The following PAMR1 variants were observed in gnomAD, a reference collection of about 807,000 sequenced individuals.
PAMR1 encodes the protein inactive serine protease PAMR1.
Under a neutral mutation model 81.8 loss-of-function variants are expected in PAMR1, and 88 were observed. The observed-to-expected ratio is 1.08, with a 90% CI of 0.91 to 1.28. The LOEUF is 1.28. Among genes scored for constraint, PAMR1 ranks in the 50% most tolerant of loss-of-function variants. The probability of loss-of-function intolerance (pLI) is 0.00; values close to 1 mark genes in which losing one functional copy is unlikely to be tolerated. For synonymous variants in PAMR1, 336 were observed against 345.3 expected (o/e 0.97, Z 0.30); for missense variants, 935 against 919.7 (o/e 1.02, Z -0.21).
chr11:35,494,325 CTCTT>C, intron 1 of PAMR1, 53 bp from the exon 2 acceptor site: 1 of 1,468,554 alleles, frequency 6.8e-7, no homozygotes, highest in Non-Finnish European at 9.5e-7. Flanking sequence ...AGTGGTAAGA[CTCTT>C]TGTTTGTTTG....
chr11:35,498,455 T>C lies in PAMR1; in HGVS notation c.74-4183A>G, dbSNP rs528293694. 4.6e-5 allele frequency among the ~76,000 whole-genome samples: 7 copies of C among 152,156 alleles called. No individual in the cohort carries two copies. In the South Asian group the frequency reaches 1.5e-3, roughly 32 times the overall value. ...AAAATACTAGACAAAATAATGCATATAAACAGCTTAGCACAGCACCCAGTA... is the reference window on the plus strand; with the variant it reads ...AAAATACTAGACAAAATAATGCATACAAACAGCTTAGCACAGCACCCAGTA... On this transcript the variant is annotated intron_variant, in intron 1 of 10. Coordinates refer to ENST00000619888, the MANE Select transcript of PAMR1 (RefSeq NM_001001991.3).
At chr11:35,518,440 T>G (rs16927595) in intron 1 of PAMR1, among the ~76,000 whole-genome samples, 20,526 of 151,536 alleles carry the variant, frequency 0.14, 1,551 homozygotes, top group East Asian at 0.34. Flanking sequence ...CCCTTTCCTC[T>G]TTAATGGTGA....
chr11:35,479,297 G>C (rs764622602), intron 3 of PAMR1, among the ~76,000 whole-genome samples: 2 of 152,028 alleles, frequency 1.3e-5, no homozygotes, highest in African/African-American at 4.8e-5. Context: ...ATCTTAGTTC[G>C]GCCACTTACT....
intron 6 of PAMR1, chr11:35,451,913 G>A: frequency 1.4e-6 from 1 of 701,722 alleles, no homozygotes; most frequent in Non-Finnish European, 2.6e-6. Flanking sequence ...CTGACGCCTT[G>A]ATCTTGGACT....
intron 6 of PAMR1, among the ~76,000 whole-genome samples, chr11:35,460,480 C>T (rs537350256): frequency 3.1e-4 from 47 of 152,252 alleles, no homozygotes; most frequent in African/African-American, 1.1e-3. Context: ...CCCTACTCCC[C>T]CCACCCCACA....
intron 8 of PAMR1, 33 bp downstream of exon 8, chr11:35,439,594 C>T: frequency 1.3e-6 from 2 of 1,558,530 alleles, no homozygotes; most frequent in East Asian, 2.2e-5. Context: ...ACTCATTAGC[C>T]TTCAGGGCAG....
chr11:35,469,973 G>T (rs1856821456), intron 5 of PAMR1, among the ~76,000 whole-genome samples: 1 of 152,110 alleles, frequency 6.6e-6, no homozygotes, highest in Non-Finnish European at 1.5e-5. Context: ...CAGGCTTAAA[G>T]TTACTCATCA....
Position 35,524,955 on chromosome 11 carries a change from GGAAGTGT to G in PAMR1, c.73+551_73+557del, listed in dbSNP as rs1234756060. Among the ~76,000 whole-genome samples, 3 of 152,218 alleles carry G rather than the reference GGAAGTGT, an allele frequency of 2.0e-5. No individual in the cohort carries two copies. The East Asian group carries it at 5.8e-4, about 29-fold the overall frequency. ...TCTTCTTTCTCACTCTCATCAGAAA[GGAAGTGT>G]GTCTATATATGCTGAGTGAGTCAAT... On this transcript the variant is annotated intron_variant, in intron 1 of 10. Transcript: ENST00000619888.
intron 6 of PAMR1, among the ~76,000 whole-genome samples, chr11:35,466,261 C>A (rs1856754404): frequency 6.6e-6 from 1 of 152,134 alleles, no homozygotes. Context: ...ACATGGCAGG[C>A]TCAAATGAGG....
chr11:35,476,560 G>A (rs1293509040), intron 3 of PAMR1, among the ~76,000 whole-genome samples: 4 of 152,064 alleles, frequency 2.6e-5, no homozygotes, highest in Non-Finnish European at 4.4e-5. Flanking sequence ...CCAGCCACAC[G>A]GAGCTGTGAG....
intron 1 of PAMR1, among the ~76,000 whole-genome samples, chr11:35,517,719 C>T (rs1851192131): frequency 6.6e-6 from 1 of 152,206 alleles, no homozygotes; most frequent in Admixed American, 6.5e-5. Context: ...TCCTGAAACC[C>T]ATTTTGGGAA....
intron 1 of PAMR1, among the ~76,000 whole-genome samples, chr11:35,499,025 C>T (rs1394794428): frequency 5.3e-5 from 8 of 152,232 alleles, no homozygotes; most frequent in Admixed American, 4.6e-4. Flanking sequence ...CAAACCTGTT[C>T]ACCACTGCCA....
chr11:35,508,516 A>ATTTTTTTTTTTT (rs59836040), intron 1 of PAMR1, among the ~76,000 whole-genome samples: 3 of 98,052 alleles, frequency 3.1e-5, no homozygotes, highest in African/African-American at 1.2e-4. Context: ...AGGAACCTCC[A>ATTTTTTTTTTTT]TTTTTTTTTT....
At position 35,463,581 on chromosome 11, in the gene PAMR1, G is replaced by C. The variant is rs11033134; in HGVS notation, c.820+4420C>G. On this transcript the variant is annotated intron_variant, in intron 6 of 10. Transcript: ENST00000619888. ...ACAAAGAAACAGGAAACTTCAGAGG[G>C]AAGAAGGGGCCCCAGTTTCCTACAC... Among the ~76,000 whole-genome samples the C allele has an allele frequency of 2.0e-5, 3 of 152,330 alleles. No individual in the cohort carries two copies. The East Asian group carries it at 5.8e-4, about 29-fold the overall frequency.
intron 3 of PAMR1, among the ~76,000 whole-genome samples, chr11:35,478,581 C>A (rs1052374656): frequency 6.6e-6 from 1 of 152,068 alleles, no homozygotes; most frequent in African/African-American, 2.4e-5. Flanking sequence ...TCAAGGAATG[C>A]CTTCAATTCC....
intron 8 of PAMR1, among the ~76,000 whole-genome samples, chr11:35,436,656 T>TCACACA (rs34951313): frequency 0.023 from 3,343 of 144,898 alleles, 86 homozygotes; most frequent in African/African-American, 0.07. Context: ...TCTCTCTCTG[T>TCACACA]CACACACACA....
chr11:35,477,181 T>C (rs1403639775), intron 3 of PAMR1, among the ~76,000 whole-genome samples: 2 of 152,232 alleles, frequency 1.3e-5, no homozygotes, highest in African/African-American at 4.8e-5. Context: ...TTTGAAATTA[T>C]CTCACTTACT....
At chr11:35,466,435 T>C (rs1856757643) in intron 6 of PAMR1, among the ~76,000 whole-genome samples, 1 of 152,074 alleles carries the variant, frequency 6.6e-6, no homozygotes, top group Admixed American at 6.5e-5. Flanking sequence ...AAGAAAACAT[T>C]AGTGAAAACT....
chr11:35,460,822 A>G (rs1856637170), intron 6 of PAMR1, among the ~76,000 whole-genome samples: 1 of 152,102 alleles, frequency 6.6e-6, no homozygotes, highest in African/African-American at 2.4e-5. Flanking sequence ...TGTTTTGGGT[A>G]TATACCTAGT....
Sources: allele counts gnomAD v4.1 joint callset (sites outside exome capture counted in the v4.1 genomes callset), GRCh38; gene constraint gnomAD v4.1.1; transcripts MANE v1.5; gene names NCBI Gene and HGNC (gene_info 2026-07-23, HGNC 2026-07-21).